CNBD1: variants seen among roughly 807,000 people sequenced by gnomAD.
CNBD1 encodes the protein cyclic nucleotide-binding domain-containing protein 1.
In CNBD1, 71 loss-of-function variants were observed where a neutral mutation model predicts 54.4. The ratio of observed to expected loss-of-function variants is 1.30; its 90% CI spans 1.08 to 1.59. The LOEUF is 1.59. CNBD1 is among the 40% of genes most tolerant of loss of function. CNBD1 has a pLI of 0.00. For missense variants in CNBD1, 659 were observed against 518.0 expected (o/e 1.27, Z -2.64); for synonymous variants, 182 against 170.7 (o/e 1.07, Z -0.51).
intron 7 of CNBD1, among the ~76,000 whole-genome samples, chr8:87,285,156 T>G (rs756254186): frequency 6.6e-6 from 1 of 152,140 alleles, no homozygotes. Context: ...CTAAGAATAC[T>G]AGAATAATAA....
intron 8 of CNBD1, among the ~76,000 whole-genome samples, chr8:87,311,212 C>G (rs907671058): frequency 1.3e-5 from 2 of 151,970 alleles, no homozygotes; most frequent in African/African-American, 4.8e-5. Flanking sequence ...CAACAAAGGT[C>G]TGATATCTAG....
intron 6 of CNBD1, among the ~76,000 whole-genome samples, chr8:87,252,358 A>G (rs1342431755): frequency 1.3e-5 from 2 of 152,194 alleles, no homozygotes; most frequent in Non-Finnish European, 2.9e-5. Context: ...GAGTTTTAAT[A>G]TTATTCAAAA....
At chr8:87,323,757 A>G (rs1447534759) in intron 8 of CNBD1, among the ~76,000 whole-genome samples, 3 of 126,092 alleles carry the variant, frequency 2.4e-5, no homozygotes, top group Admixed American at 2.3e-4. Context: ...AACAGGGACA[A>G]TTTGACTTCC....
intron 6 of CNBD1, among the ~76,000 whole-genome samples, chr8:87,260,709 G>A (rs1013625316): frequency 6.6e-6 from 1 of 152,028 alleles, no homozygotes. Context: ...AGCCATGGAG[G>A]CCAACCCACA....
intron 2 of CNBD1, among the ~76,000 whole-genome samples, chr8:87,411,164 G>T (rs1807735130): frequency 6.6e-6 from 1 of 151,432 alleles, no homozygotes; most frequent in Non-Finnish European, 1.5e-5. Context: ...TTTCATTATT[G>T]CTTTACTTAC....
chr8:86,909,350 A>T (rs1375133035), intron 3 of CNBD1, among the ~76,000 whole-genome samples: 1 of 152,218 alleles, frequency 6.6e-6, no homozygotes, highest in Admixed American at 6.5e-5. Flanking sequence ...AAAAATTATA[A>T]CTTCACTAAC....
intron 4 of CNBD1, among the ~76,000 whole-genome samples, chr8:87,164,716 C>G (rs1045322449): frequency 6.6e-6 from 1 of 150,842 alleles, no homozygotes; most frequent in Non-Finnish European, 1.5e-5. Context: ...TTTTGTTTAT[C>G]TTGTTAAAAA....
At chr8:86,869,284 G>A (rs1808407979) in intron 1 of CNBD1, among the ~76,000 whole-genome samples, 1 of 152,074 alleles carries the variant, frequency 6.6e-6, no homozygotes, top group Non-Finnish European at 1.5e-5. Flanking sequence ...TCATACTAAG[G>A]TTCACACAGA....
At chr8:87,345,484 T>G (rs1810153581) in intron 8 of CNBD1, among the ~76,000 whole-genome samples, 1 of 152,170 alleles carries the variant, frequency 6.6e-6, no homozygotes, top group Non-Finnish European at 1.5e-5. Flanking sequence ...TTGACTGTGG[T>G]GTCTAAATGC....
intron 4 of CNBD1, among the ~76,000 whole-genome samples, chr8:87,093,053 T>A (rs954225972): frequency 5.9e-5 from 9 of 152,188 alleles, no homozygotes; most frequent in African/African-American, 2.2e-4. Flanking sequence ...GGATTTTTAA[T>A]GTATGAATAA....
At position 87,368,856 on chromosome 8, in the gene CNBD1, A is replaced by G. The variant is rs577064102; in HGVS notation, c.1304-13764A>G. Among the ~76,000 whole-genome samples, 6 of 152,066 alleles carry G rather than the reference A, an allele frequency of 3.9e-5. No homozygotes were observed. The South Asian group carries it at 6.2e-4, about 16-fold the overall frequency. On this transcript the variant is annotated intron_variant, in intron 10 of 10. Coordinates refer to ENST00000518476, the MANE Select transcript of CNBD1 (RefSeq NM_173538.3). The stretch of plus-strand genomic sequence containing the variant: ...GGGTTACATTCTGTGCAAATCTGCC[A>G]TAGGAGAATTATGTGGCCAACTGAA...
chr8:87,313,149 A>G (rs984587761), intron 8 of CNBD1, among the ~76,000 whole-genome samples: 2 of 152,176 alleles, frequency 1.3e-5, no homozygotes, highest in Admixed American at 1.3e-4. Context: ...TTTAGAAAGG[A>G]TAAAGTGATA....
chr8:86,986,359 T>A (rs1365899536), intron 4 of CNBD1, among the ~76,000 whole-genome samples: 1 of 152,066 alleles, frequency 6.6e-6, no homozygotes, highest in African/African-American at 2.4e-5. Context: ...TCTAATGGGG[T>A]TTTTCTTTTT....
At chr8:87,018,345 T>C (rs1809411232) in intron 4 of CNBD1, among the ~76,000 whole-genome samples, 1 of 152,178 alleles carries the variant, frequency 6.6e-6, no homozygotes, top group Admixed American at 6.6e-5. Context: ...AAAACTTACC[T>C]TGCACACAAA....
chr8:87,272,242 G>A (rs1422355135), intron 6 of CNBD1, among the ~76,000 whole-genome samples: 2 of 151,812 alleles, frequency 1.3e-5, no homozygotes, highest in Non-Finnish European at 2.9e-5. Context: ...TAATTAGAAT[G>A]ATCCTAGATA....
At chr8:87,264,481 T>C (rs1009998590) in intron 6 of CNBD1, among the ~76,000 whole-genome samples, 5 of 152,128 alleles carry the variant, frequency 3.3e-5, no homozygotes, top group Admixed American at 6.6e-5. Context: ...GTCTTTATAG[T>C]AGCATGATTT....
chr8:87,095,251 T>A (rs1450937935), intron 4 of CNBD1, among the ~76,000 whole-genome samples: 2 of 152,226 alleles, frequency 1.3e-5, no homozygotes, highest in African/African-American at 2.4e-5. Context: ...TTTATTCTTT[T>A]TTTAGGACTA....
At chr8:87,118,367 C>A (rs1269980832) in intron 4 of CNBD1, among the ~76,000 whole-genome samples, 2 of 148,938 alleles carry the variant, frequency 1.3e-5, no homozygotes, top group Admixed American at 1.3e-4. Context: ...TATGAGAATA[C>A]CGCTGGTATT....
At chr8:87,068,613 G>T (rs888316576) in intron 4 of CNBD1, among the ~76,000 whole-genome samples, 2 of 152,012 alleles carry the variant, frequency 1.3e-5, no homozygotes, top group Admixed American at 6.6e-5. Context: ...AAAAGCAAGG[G>T]ATATATAGTA....
Sources: gnomAD v4.1 joint callset for allele counts (sites outside exome capture counted in the v4.1 genomes callset) on GRCh38, gnomAD v4.1.1 for gene constraint, MANE v1.5 for transcripts, NCBI Gene and HGNC (gene_info 2026-07-23, HGNC 2026-07-21) for gene names.